ABCG8: variants seen among roughly 807,000 people sequenced by gnomAD.
The protein encoded by ABCG8 is ATP binding cassette subfamily G member 8, also known as ATP-binding cassette sub-family G member 8.
In ABCG8, 81 loss-of-function variants were observed where a neutral mutation model predicts 71.3. That is an observed-to-expected ratio of 1.14 (90% CI 0.95 to 1.37). The LOEUF (loss-of-function observed/expected upper bound fraction) is 1.37, where lower values mean the gene tolerates loss of function less well. Ranked by LOEUF, ABCG8 falls within the 40% of genes most tolerant of loss-of-function variation. ABCG8 has a pLI of 0.00. For missense variants in ABCG8, 1,119 were observed against 866.2 expected (o/e 1.29, Z -3.66); for synonymous variants, 451 against 354.7 (o/e 1.27, Z -3.05).
At chr2:43,845,184 G>C (rs17039139) in intron 2 of ABCG8, among the ~76,000 whole-genome samples, 3,504 of 151,074 alleles carry the variant, frequency 0.023, 135 homozygotes, top group African/African-American at 0.081. Flanking sequence ...CAAAGACAAT[G>C]ACTGACCTTT....
intron 6 of ABCG8, among the ~76,000 whole-genome samples, chr2:43,862,406 A>G (rs529964706): frequency 6.0e-4 from 82 of 137,556 alleles, no homozygotes; most frequent in Middle Eastern, 4.3e-3. Flanking sequence ...CTCACTATCT[A>G]TATGGAGAGA....
chr2:43,841,285 G>A (rs894220673), intron 1 of ABCG8, among the ~76,000 whole-genome samples: 3 of 152,176 alleles, frequency 2.0e-5, no homozygotes, highest in Non-Finnish European at 4.4e-5. Context: ...AAGTTAATAC[G>A]AGGAGAAATT....
At position 43,882,773 on chromosome 2, in the gene ABCG8, G is replaced by C. The variant is rs1670167628; in HGVS notation, c.*4860G>C. On this transcript the variant is annotated 3_prime_UTR_variant, in exon 13 of 13. Coordinates refer to ENST00000272286, the MANE Select transcript of ABCG8 (RefSeq NM_022437.3). The stretch of plus-strand genomic sequence containing the variant: ...GTGCACTAGGAACAGCAGCACGTGT[G>C]GTGTTAGCAGCTAATAATTAAAACA... 6.6e-6 allele frequency: 1 copy of C among 152,204 alleles called. No homozygotes were observed. Among genetic ancestry groups the C allele is most frequent in the South Asian group, 2.1e-4 (1 of 4,834 alleles). The allele number at this position is 152,204 out of a possible 1,614,324, so 9.4% of individuals were successfully genotyped here.
chr2:43,862,985 G>C (rs1315155637), intron 6 of ABCG8, among the ~76,000 whole-genome samples: 4 of 144,182 alleles, frequency 2.8e-5, no homozygotes, highest in Non-Finnish European at 6.2e-5. Flanking sequence ...CTCACTGTCT[G>C]TATAGAACTC....
chr2:43,849,755 T>G (rs1296965494), intron 3 of ABCG8, among the ~76,000 whole-genome samples: 3 of 152,140 alleles, frequency 2.0e-5, no homozygotes, highest in African/African-American at 7.2e-5. Flanking sequence ...TCTCCCAGGT[T>G]TCTCTCCTGG....
intron 3 of ABCG8, among the ~76,000 whole-genome samples, chr2:43,850,240 T>G (rs752795810): frequency 5.9e-5 from 9 of 152,028 alleles, no homozygotes; most frequent in Non-Finnish European, 5.9e-5. Flanking sequence ...ACACTCCATC[T>G]GCGGGAGTGG....
chr2:43,843,318 G>A (rs909580817), intron 1 of ABCG8, among the ~76,000 whole-genome samples: 1 of 152,228 alleles, frequency 6.6e-6, no homozygotes, highest in African/African-American at 2.4e-5. Context: ...GTAGCTTGAG[G>A]AGGAAAGTCT....
At chr2:43,845,305 G>C (rs2104911543) in intron 2 of ABCG8, among the ~76,000 whole-genome samples, 1 of 152,140 alleles carries the variant, frequency 6.6e-6, no homozygotes, top group South Asian at 2.1e-4. Context: ...TCAGAGGCCT[G>C]AGTCTGGCTT....
chr2:43,860,388 C>G (rs1371485151), intron 6 of ABCG8, among the ~76,000 whole-genome samples: 1 of 148,488 alleles, frequency 6.7e-6, no homozygotes, highest in Non-Finnish European at 1.5e-5. Flanking sequence ...AAAAGTCTCA[C>G]TCTCTGTTTG....
At chr2:43,856,856 C>A (rs931961130) in intron 6 of ABCG8, among the ~76,000 whole-genome samples, 2 of 151,742 alleles carry the variant, frequency 1.3e-5, no homozygotes, top group African/African-American at 4.8e-5. Flanking sequence ...AGAATTCTCA[C>A]TCTCTGGATA....
At chr2:43,840,300 G>A (rs1668533513) in intron 1 of ABCG8, among the ~76,000 whole-genome samples, 1 of 152,198 alleles carries the variant, frequency 6.6e-6, no homozygotes, top group Admixed American at 6.5e-5. Context: ...TCTGCTCTCT[G>A]AATACCCTGT....
intron 11 of ABCG8, 44 bp downstream of exon 11, chr2:43,875,457 A>G (rs200161664): frequency 6.3e-7 from 1 of 1,594,310 alleles, no homozygotes; most frequent in South Asian, 1.1e-5. Context: ...GTTAGGACTC[A>G]TGTGACTGGA....
chr2:43,839,029 C>A lies in ABCG8; in HGVS notation c.-25C>A. 1 of 1,550,274 alleles carries A rather than the reference C, an allele frequency of 6.5e-7. No individual in the cohort carries two copies. Among genetic ancestry groups the A allele is most frequent in the Middle Eastern group, 1.8e-4 (1 of 5,682 alleles). On this transcript the variant is annotated 5_prime_UTR_variant, in exon 1 of 13. Coordinates refer to ENST00000272286, the MANE Select transcript of ABCG8 (RefSeq NM_022437.3). ...CAGCTGGGTCTAAGAGAGCTGCAGC[C>A]CAGGGTCACAGACCTGTGGGCCCCA...
chr2:43,840,749 G>C (rs1446970031), intron 1 of ABCG8, among the ~76,000 whole-genome samples: 1 of 152,060 alleles, frequency 6.6e-6, no homozygotes, highest in Non-Finnish European at 1.5e-5. Flanking sequence ...CTTCCAGCCC[G>C]AGCCACAACC....
chr2:43,852,937 A>C, intron 6 of ABCG8, 69 bp downstream of exon 6: 1 of 1,592,280 alleles, frequency 6.3e-7, no homozygotes, highest in East Asian at 2.2e-5. Flanking sequence ...ACCCTGCCCA[A>C]GCTTGCTGGA....
rs1432484544 is a variant in ABCG8 at position 43,880,777 on chromosome 2, C to T, written c.*2864C>T. On this transcript the variant is annotated 3_prime_UTR_variant, in exon 13 of 13. Transcript: ENST00000272286. ...AGTTGATCCTAGGTTCTTCCCTCTT[C>T]TCTAATTGTGAGAAACCTGGCTTCC... is the stretch of plus-strand genomic sequence containing the variant. 3 of 152,270 alleles carry T rather than the reference C, an allele frequency of 2.0e-5. No individual in the cohort carries two copies. The highest frequency in any genetic ancestry group is 2.1e-4 in the South Asian group (1 of 4,836). The allele number at this position is 152,270 out of a possible 1,614,324, so 9.4% of individuals were successfully genotyped here. A position where few individuals can be genotyped will look rare whatever the true frequency, so the allele number is the denominator to read the frequency against.
intron 6 of ABCG8, among the ~76,000 whole-genome samples, chr2:43,869,659 TTCTC>T (rs1477269599): frequency 6.8e-6 from 1 of 147,132 alleles, no homozygotes; most frequent in Non-Finnish European, 1.5e-5. Context: ...GGATAGAAAT[TTCTC>T]TATCTATCTG....
chr2:43,859,412 T>A (rs1302940174), intron 6 of ABCG8, among the ~76,000 whole-genome samples: 1 of 151,502 alleles, frequency 6.6e-6, no homozygotes, highest in Non-Finnish European at 1.5e-5. Context: ...TGGATAGAAT[T>A]CTCACTCTGC....
intron 9 of ABCG8, 41 bp from the exon 10 acceptor site, chr2:43,874,366 T>C (rs1366951320): frequency 2.1e-6 from 3 of 1,437,586 alleles, no homozygotes; most frequent in African/African-American, 2.8e-5. Flanking sequence ...TGTAGATTTA[T>C]TCTACTTCTT....
Sources: allele counts gnomAD v4.1 joint callset (sites outside exome capture counted in the v4.1 genomes callset), GRCh38; gene constraint gnomAD v4.1.1; transcripts MANE v1.5; gene names NCBI Gene and HGNC (gene_info 2026-07-23, HGNC 2026-07-21).